Variants in MAGI2 observed in about 807,000 individuals in gnomAD.
MAGI2 encodes membrane-associated guanylate kinase, WW and PDZ domain-containing protein 2.
Under a neutral mutation model 133.3 loss-of-function variants are expected in MAGI2, and 35 were observed. The observed-to-expected ratio is 0.26, with a 90% CI of 0.20 to 0.35. The LOEUF is 0.35. MAGI2 is among the 10% of genes least tolerant of loss of function. The pLI, the probability that MAGI2 is intolerant of heterozygous loss-of-function variation, is 1.00. For missense variants in MAGI2, 1,636 were observed against 1,863.4 expected (o/e 0.88, Z 2.25); for synonymous variants, 729 against 710.6 (o/e 1.03, Z -0.41).
At chr7:79,385,603 A>C (rs1027951961) in intron 1 of MAGI2, among the ~76,000 whole-genome samples, 3 of 151,738 alleles carry the variant, frequency 2.0e-5, no homozygotes, top group African/African-American at 7.3e-5. Context: ...AAAAAATTCC[A>C]CATATAAGTG....
chr7:78,255,912 T>G (rs1792920550), intron 10 of MAGI2, 31 bp downstream of exon 10: 1 of 1,605,430 alleles, frequency 6.2e-7, no homozygotes, highest in African/African-American at 1.3e-5. Flanking sequence ...TTTACCCACA[T>G]ATTTTATTGC....
At chr7:78,042,451 T>A (rs1471368129) in intron 21 of MAGI2, among the ~76,000 whole-genome samples, 1 of 152,308 alleles carries the variant, frequency 6.6e-6, no homozygotes, top group East Asian at 1.9e-4. Context: ...TGGAGGGTTA[T>A]AGGCTGATCA....
At chr7:78,592,103 G>C (rs184136899) in intron 3 of MAGI2, among the ~76,000 whole-genome samples, 3 of 152,230 alleles carry the variant, frequency 2.0e-5, no homozygotes, top group Admixed American at 1.3e-4. Flanking sequence ...CACTAATAGG[G>C]GTTCCAGACA....
intron 1 of MAGI2, among the ~76,000 whole-genome samples, chr7:79,371,499 G>A (rs977850004): frequency 2.0e-5 from 3 of 151,944 alleles, no homozygotes; most frequent in African/African-American, 7.2e-5. Context: ...ACTTTTCTAT[G>A]TTTAGATATG....
At chr7:79,159,572 G>C (rs1187065446) in intron 1 of MAGI2, among the ~76,000 whole-genome samples, 1 of 151,004 alleles carries the variant, frequency 6.6e-6, no homozygotes, top group African/African-American at 2.4e-5. Flanking sequence ...ATACAGATGG[G>C]TCTTTTATAT....
chr7:78,732,067 G>GAGAAA (rs977002154), intron 2 of MAGI2, among the ~76,000 whole-genome samples: 11 of 152,090 alleles, frequency 7.2e-5, no homozygotes, highest in African/African-American at 1.9e-4. Flanking sequence ...ATGAGAGAGA[G>GAGAAA]AGAAAAGAAA....
At chr7:79,239,735 C>G (rs1418250991) in intron 1 of MAGI2, among the ~76,000 whole-genome samples, 2 of 152,152 alleles carry the variant, frequency 1.3e-5, no homozygotes, top group African/African-American at 4.8e-5. Context: ...ACAAAAGAAG[C>G]TCATTTCATA....
chr7:78,686,342 G>A (rs896588747), intron 2 of MAGI2, among the ~76,000 whole-genome samples: 7 of 151,964 alleles, frequency 4.6e-5, no homozygotes, highest in South Asian at 2.1e-4. Context: ...ACACTTTCCC[G>A]TTCACGTAAG....
intron 1 of MAGI2, among the ~76,000 whole-genome samples, chr7:79,300,641 A>C (rs1344095606): frequency 6.6e-6 from 1 of 152,192 alleles, no homozygotes; most frequent in Non-Finnish European, 1.5e-5. Flanking sequence ...GAAAAAGTAA[A>C]AGCCTTTTCA....
At chr7:79,000,579 T>C (rs892088971) in intron 2 of MAGI2, among the ~76,000 whole-genome samples, 2 of 152,320 alleles carry the variant, frequency 1.3e-5, no homozygotes, top group Middle Eastern at 6.8e-3. Flanking sequence ...TATATAATTA[T>C]GAAAAGGGGA....
intron 1 of MAGI2, among the ~76,000 whole-genome samples, chr7:79,436,228 A>G (rs904646564): frequency 4.0e-5 from 6 of 151,446 alleles, no homozygotes; most frequent in Non-Finnish European, 8.8e-5. Flanking sequence ...TCACCTCAAA[A>G]AAAAAAAAAA....
intron 3 of MAGI2, among the ~76,000 whole-genome samples, chr7:78,534,396 AC>A (rs1249572469): frequency 1.3e-5 from 2 of 152,248 alleles, no homozygotes; most frequent in Non-Finnish European, 2.9e-5. Flanking sequence ...ATGTTCTTAA[AC>A]TTGTCCTAAG....
chr7:78,403,125 T>A (rs1797048370), intron 6 of MAGI2, among the ~76,000 whole-genome samples: 1 of 152,200 alleles, frequency 6.6e-6, no homozygotes, highest in Non-Finnish European at 1.5e-5. Context: ...ACATTAGGTA[T>A]ATCTCCTAAT....
At chr7:79,228,973 C>T (rs929033857) in intron 1 of MAGI2, among the ~76,000 whole-genome samples, 5 of 151,992 alleles carry the variant, frequency 3.3e-5, no homozygotes, top group Admixed American at 1.3e-4. Context: ...GCAATGAATG[C>T]GAATTTTATT....
At position 78,314,253 on chromosome 7, in the gene MAGI2, C is replaced by T. The variant is rs187369769; in HGVS notation, c.1408+29525G>A. Among the ~76,000 whole-genome samples, 105 of 152,270 alleles carry T rather than the reference C, an allele frequency of 6.9e-4. 1 individual carries two copies. In the Middle Eastern group the frequency reaches 0.017, roughly 25 times the overall value. On this transcript the variant is annotated intron_variant, in intron 9 of 21. Coordinates refer to ENST00000354212, the MANE Select transcript of MAGI2 (RefSeq NM_012301.4). ...GATAGCATATATTTTATATGATATACTCATAGGACACAATGCAGATTAAGT... is the reference window on the plus strand; with the variant it reads ...GATAGCATATATTTTATATGATATATTCATAGGACACAATGCAGATTAAGT...
At chr7:78,605,212 T>C (rs577346662) in intron 3 of MAGI2, among the ~76,000 whole-genome samples, 88 of 152,302 alleles carry the variant, frequency 5.8e-4, no homozygotes, top group African/African-American at 2.0e-3. Flanking sequence ...TTGATGGCAA[T>C]GGTAGAACTA....
rs1563166210 is a variant in MAGI2 at position 79,376,841 on chromosome 7, G to GTATGT, written c.301+76178_301+76179insACATA. On this transcript the variant is annotated intron_variant, in intron 1 of 21. Transcript: ENST00000354212. Reference sequence around the variant, plus strand: ...TTGTGTGTGTGTGTGTGTGTGTGTGGGTGTATGGCGTGTGTATTCAACACA... The same window carrying GTATGT: ...TTGTGTGTGTGTGTGTGTGTGTGTGGTATGTGTGTATGGCGTGTGTATTCAACACA... 5.4e-5 allele frequency among the ~76,000 whole-genome samples: 8 copies of GTATGT among 147,574 alleles called. No homozygotes were observed. The South Asian group carries it at 1.7e-3, about 31-fold the overall frequency.
intron 21 of MAGI2, among the ~76,000 whole-genome samples, chr7:78,020,481 T>G (rs1020369527): frequency 7.9e-5 from 12 of 152,106 alleles, no homozygotes; most frequent in Admixed American, 5.2e-4. Flanking sequence ...AAAGGTGGCC[T>G]AGCAGGGGTG....
At chr7:79,171,556 A>G (rs1239018885) in intron 1 of MAGI2, among the ~76,000 whole-genome samples, 1 of 151,234 alleles carries the variant, frequency 6.6e-6, no homozygotes, top group Non-Finnish European at 1.5e-5. Context: ...AATTAGTGGA[A>G]TAAGCCAATT....
Sources: gnomAD v4.1 joint callset for allele counts (sites outside exome capture counted in the v4.1 genomes callset) on GRCh38, gnomAD v4.1.1 for gene constraint, MANE v1.5 for transcripts, NCBI Gene and HGNC (gene_info 2026-07-23, HGNC 2026-07-21) for gene names.